PBX1: variants seen among roughly 807,000 people sequenced by gnomAD.
PBX1 encodes the protein PBX homeobox 1.
A neutral mutation model predicts 53.4 loss-of-function variants in PBX1; 6 were observed. The observed-to-expected ratio is 0.11, with a 90% CI of 0.06 to 0.22. The LOEUF (loss-of-function observed/expected upper bound fraction) is 0.22, where lower values mean the gene tolerates loss of function less well. PBX1 is among the 10% of genes least tolerant of loss of function. The pLI is 1.00. For synonymous variants in PBX1, 204 were observed against 212.3 expected (o/e 0.96, Z 0.34); for missense variants, 251 against 551.4 (o/e 0.46, Z 5.46).
chr1:164,610,919 T>C (rs1656880711), intron 2 of PBX1, among the ~76,000 whole-genome samples: 1 of 152,206 alleles, frequency 6.6e-6, no homozygotes, highest in African/African-American at 2.4e-5. Context: ...TGGCTTGCAT[T>C]TGTCTTGCTT....
chr1:164,702,406 A>G (rs1485267589), intron 2 of PBX1, among the ~76,000 whole-genome samples: 1 of 152,186 alleles, frequency 6.6e-6, no homozygotes, highest in Non-Finnish European at 1.5e-5. Context: ...GCATTACCTC[A>G]TTCTGGTAGA....
chr1:164,668,298 A>C (rs1343383641), intron 2 of PBX1, among the ~76,000 whole-genome samples: 1 of 152,162 alleles, frequency 6.6e-6, no homozygotes, highest in Non-Finnish European at 1.5e-5. Context: ...TATTATGCTT[A>C]ATGTTTCCCC....
intron 2 of PBX1, among the ~76,000 whole-genome samples, chr1:164,760,422 C>T (rs1390923955): frequency 3.6e-5 from 5 of 138,254 alleles, no homozygotes. Context: ...CATCCCTCCT[C>T]CCTCCCTCCC....
At position 164,847,599 on chromosome 1, in the gene PBX1, C is replaced by T; in HGVS notation, c.*923C>T. On this transcript the variant is annotated 3_prime_UTR_variant, in exon 9 of 9. Transcript: ENST00000420696. ...AAGTTCTTATCGTGAAACCCTTCAA[C>T]CTCAACTATGCCTTCATAGACACAC... The T allele has an allele frequency of 9.4e-7, 1 of 1,062,852 alleles. No homozygotes were observed. The highest frequency in any genetic ancestry group is 1.1e-6 in the Non-Finnish European group (1 of 877,728). 65.8% of individuals were successfully genotyped at this position (1,062,852 alleles called of 1,614,324 possible).
At chr1:164,781,620 C>G (rs945312770) in intron 2 of PBX1, among the ~76,000 whole-genome samples, 2 of 152,196 alleles carry the variant, frequency 1.3e-5, no homozygotes, top group South Asian at 2.1e-4. Flanking sequence ...CACTCCTCAC[C>G]ACCTACCACT....
At chr1:164,590,609 C>T (rs1655306902) in intron 2 of PBX1, among the ~76,000 whole-genome samples, 1 of 152,110 alleles carries the variant, frequency 6.6e-6, no homozygotes, top group African/African-American at 2.4e-5. Context: ...TCTTCAGAAT[C>T]ATAGTGGACT....
rs35739146 is a variant in PBX1 at position 164,834,029 on chromosome 1, ATGTGTGTG to A, written c.1200+12437_1200+12444del. Among the ~76,000 whole-genome samples the A allele has an allele frequency of 8.6e-3, 1,105 of 128,280 alleles. 9 individuals are homozygous for A. The highest frequency in any genetic ancestry group is 0.031 in the African/African-American group (1,049 of 34,086). The allele number at this position is 128,280 out of a possible 152,430, so 84.2% of individuals were successfully genotyped here. Reference sequence around the variant, plus strand: ...CCTGGATATGGGTATATATATGTATATGTGTGTGTGTGTGTGTGTGTGTGTGTGTGTGT... The same window carrying A: ...CCTGGATATGGGTATATATATGTATATGTGTGTGTGTGTGTGTGTGTGTGT... On this transcript the variant is annotated intron_variant, in intron 8 of 8. Transcript: ENST00000420696.
chr1:164,652,518 AGATGTTAACTTACTTGCTCAAGG>A (rs1659893645), intron 2 of PBX1, among the ~76,000 whole-genome samples: 1 of 152,174 alleles, frequency 6.6e-6, no homozygotes, highest in South Asian at 2.1e-4. Context: ...TGAGGGATAG[AGATGTTAACTTACTTGCTCAAGG>A]TAATAGAACT....
At chr1:164,866,694 A>T (rs1045880249) in intron 2 of PBX1, among the ~76,000 whole-genome samples, 2 of 152,194 alleles carry the variant, frequency 1.3e-5, no homozygotes, top group African/African-American at 4.8e-5. Context: ...TGGCTGATGG[A>T]TGAGTTGTTG....
chr1:164,674,844 A>G (rs1307815185), intron 2 of PBX1: 2 of 21,076 alleles, frequency 9.5e-5, no homozygotes, highest in African/African-American at 1.6e-4. Flanking sequence ...GGAAGAAATC[A>G]CAGCCCCCCC....
chr1:164,856,954 C>T (rs755168452), intron 2 of PBX1, among the ~76,000 whole-genome samples: 19 of 152,104 alleles, frequency 1.2e-4, no homozygotes, highest in Admixed American at 7.9e-4. Flanking sequence ...TACTTGAATC[C>T]CAGCTCTGCT....
intron 2 of PBX1, among the ~76,000 whole-genome samples, chr1:164,749,635 A>G (rs1666089400): frequency 6.6e-6 from 1 of 152,154 alleles, no homozygotes; most frequent in African/African-American, 2.4e-5. Context: ...TTTGACCACA[A>G]AAAAACTTTT....
At chr1:164,786,886 G>A (rs1668225584) in intron 2 of PBX1, among the ~76,000 whole-genome samples, 1 of 152,118 alleles carries the variant, frequency 6.6e-6, no homozygotes, top group African/African-American at 2.4e-5. Flanking sequence ...TTGGGGAAAT[G>A]TGCTTTGCCT....
Position 164,674,223 on chromosome 1 carries a change from G to C in PBX1, c.265+110912G>C, listed in dbSNP as rs1271613472. ...CCCAAGTAGCTTATTTCTAGAAACA[G>C]GTTCCCGTTTGCAACATCAAGTCTG... On this transcript the variant is annotated intron_variant, in intron 2 of 8. Transcript: ENST00000420696. 3.9e-5 allele frequency among the ~76,000 whole-genome samples: 6 copies of C among 152,296 alleles called. No individual in the cohort carries two copies. In the East Asian group the frequency reaches 1.2e-3, roughly 29 times the overall value.
intron 2 of PBX1, among the ~76,000 whole-genome samples, chr1:164,865,411 T>C (rs544357326): frequency 6.6e-6 from 1 of 152,306 alleles, no homozygotes; most frequent in East Asian, 1.9e-4. Flanking sequence ...ACCAATTTCT[T>C]TTTAATTAAT....
chr1:164,823,170 A>G (rs1294755388), intron 8 of PBX1, among the ~76,000 whole-genome samples: 1 of 152,204 alleles, frequency 6.6e-6, no homozygotes, highest in Non-Finnish European at 1.5e-5. Flanking sequence ...AAGGATTTTT[A>G]GGACAGAGAG....
intron 2 of PBX1, among the ~76,000 whole-genome samples, chr1:164,861,048 A>G (rs1672084253): frequency 6.6e-6 from 1 of 152,038 alleles, no homozygotes; most frequent in Non-Finnish European, 1.5e-5. Flanking sequence ...AAAAAAGAGG[A>G]AAGGGAATAC....
intron 2 of PBX1, among the ~76,000 whole-genome samples, chr1:164,875,958 A>G (rs1672494078): frequency 7.1e-6 from 1 of 141,628 alleles, no homozygotes; most frequent in African/African-American, 2.6e-5. Context: ...CCAAAAAAGA[A>G]ATGTATACCT....
At chr1:164,876,156 T>A (rs12024360) in intron 2 of PBX1, among the ~76,000 whole-genome samples, 3 of 151,826 alleles carry the variant, frequency 2.0e-5, no homozygotes, top group Admixed American at 6.6e-5. Flanking sequence ...ATAAATAAAT[T>A]ATTATTAAGC....
Sources: gnomAD v4.1 joint callset for allele counts (sites outside exome capture counted in the v4.1 genomes callset) on GRCh38, gnomAD v4.1.1 for gene constraint, MANE v1.5 for transcripts, NCBI Gene and HGNC (gene_info 2026-07-23, HGNC 2026-07-21) for gene names.